NMU: variants seen among roughly 807,000 people sequenced by gnomAD.
NMU encodes the protein neuromedin-U.
A neutral mutation model predicts 35.4 loss-of-function variants in NMU; 29 were observed. The observed-to-expected ratio is 0.82, with a 90% CI of 0.61 to 1.12. The LOEUF is 1.12. Ranked by LOEUF, NMU falls within the 50% of genes most tolerant of loss-of-function variation. The pLI, the probability that NMU is intolerant of heterozygous loss-of-function variation, is 0.00. For synonymous variants in NMU, 78 were observed against 81.3 expected, an observed-to-expected ratio of 0.96 and a Z score of 0.22; for missense variants, 199 against 206.2, an observed-to-expected ratio of 0.97 and a Z score of 0.21.
chr4:55,598,964 TC>T (rs2110179666), intron 9 of NMU, among the ~76,000 whole-genome samples, 177 bp downstream of exon 9: 1 of 152,282 alleles, frequency 6.6e-6, no homozygotes, highest in African/African-American at 2.4e-5. Context: ...CCCTTACAGC[TC>T]CTATCATTGT....
Position 55,607,310 on chromosome 4 carries a change from C to T in NMU, c.348G>A (p.Lys116=). 1 of 1,607,688 alleles carries T rather than the reference C, an allele frequency of 6.2e-7. No individual in the cohort carries two copies. Among genetic ancestry groups the T allele is most frequent in the South Asian group, 1.1e-5 (1 of 90,860 alleles). ...TTCTACAACTTACCACAACATTTGA[C>T]TTGCCCAACTTCTGTGTCTTCGAAT... ...FHYSKTQKLG[K]SNVVSSVVHP... Residue 116 remains lysine, a synonymous_variant, in exon 6 of 10, where the codon AAG becomes AAA. Transcript: ENST00000264218.
chr4:55,607,041 T>G (rs1316836724), intron 6 of NMU, among the ~76,000 whole-genome samples: 1 of 152,174 alleles, frequency 6.6e-6, no homozygotes, highest in Non-Finnish European at 1.5e-5. Context: ...GGATTGTGCC[T>G]GGCACATAGC....
At chr4:55,632,948 A>G (rs1277471149) in intron 1 of NMU, among the ~76,000 whole-genome samples, 1 of 150,666 alleles carries the variant, frequency 6.6e-6, no homozygotes, top group South Asian at 2.1e-4. Flanking sequence ...TCTAAAAAAC[A>G]CGTAAACACA....
At chr4:55,631,486 C>T (rs972679013) in intron 1 of NMU, among the ~76,000 whole-genome samples, 1 of 151,914 alleles carries the variant, frequency 6.6e-6, no homozygotes, top group Non-Finnish European at 1.5e-5. Context: ...AAAAACAATC[C>T]CATCAAAAAG....
At chr4:55,603,811 CT>C (rs1733526166) in intron 7 of NMU, among the ~76,000 whole-genome samples, 3 of 148,436 alleles carry the variant, frequency 2.0e-5, no homozygotes, top group African/African-American at 7.5e-5. Flanking sequence ...CCTCGGGAGG[CT>C]GAGGCAGGCG....
chr4:55,618,717 T>TTC (rs751755173), intron 2 of NMU, among the ~76,000 whole-genome samples: 1 of 129,462 alleles, frequency 7.7e-6, no homozygotes, highest in Non-Finnish European at 1.7e-5. Context: ...TTTTTCTTTC[T>TTC]TCTCTCTTTC....
chr4:55,595,641 ATATT>A (rs1453470892), intron 9 of NMU, among the ~76,000 whole-genome samples: 34 of 63,194 alleles, frequency 5.4e-4, no homozygotes, highest in East Asian at 1.4e-3. Context: ...ATATATATAT[ATATT>A]TTTTTTTTTT....
chr4:55,601,371 T>C (rs780760997), intron 7 of NMU, among the ~76,000 whole-genome samples: 1 of 152,180 alleles, frequency 6.6e-6, no homozygotes, highest in Non-Finnish European at 1.5e-5. Flanking sequence ...TATTTTATAA[T>C]ATGAATACAA....
At chr4:55,627,261 T>G (rs1456999292) in intron 2 of NMU, among the ~76,000 whole-genome samples, 1 of 151,868 alleles carries the variant, frequency 6.6e-6, no homozygotes, top group South Asian at 2.1e-4. Context: ...TTTTTTTTTT[T>G]ATTACTGCAG....
At chr4:55,619,308 G>A (rs1322559492) in intron 2 of NMU, among the ~76,000 whole-genome samples, 1 of 144,328 alleles carries the variant, frequency 6.9e-6, no homozygotes, top group African/African-American at 2.5e-5. Flanking sequence ...GTGGGTGCGC[G>A]CACCTTGCGC....
chr4:55,631,219 A>G (rs1267866968), intron 1 of NMU, among the ~76,000 whole-genome samples: 1 of 152,176 alleles, frequency 6.6e-6, no homozygotes, highest in East Asian at 1.9e-4. Flanking sequence ...GACCATAACA[A>G]TTCTAGAAGG....
At chr4:55,596,362 G>GT (rs34453144) in intron 9 of NMU, among the ~76,000 whole-genome samples, 225 of 140,278 alleles carry the variant, frequency 1.6e-3, no homozygotes, top group Middle Eastern at 7.8e-3. Flanking sequence ...AATTTTGGAG[G>GT]TTTTTTTTTT....
intron 2 of NMU, among the ~76,000 whole-genome samples, chr4:55,630,031 C>T (rs2110212549): frequency 1.0e-5 from 1 of 97,276 alleles, no homozygotes; most frequent in South Asian, 4.5e-4. Flanking sequence ...CATTTTCCAT[C>T]CTTTTATACT....
In NMU at chr4:55,606,369, G is replaced by A. The variant is rs113322167; in HGVS notation, c.360+929C>T. ...CATGCATACAAAAAGAAAAACTACC[G>A]CTAATACTACATGATTTTAAAGTGA... is the stretch of plus-strand genomic sequence containing the variant. On this transcript the variant is annotated intron_variant, in intron 6 of 9. Coordinates refer to ENST00000264218, the MANE Select transcript of NMU (RefSeq NM_006681.4). Among the ~76,000 whole-genome samples, 24 of 152,222 alleles carry A rather than the reference G, an allele frequency of 1.6e-4. 1 individual carries two copies. The highest frequency in any genetic ancestry group is 5.1e-4 in the African/African-American group (21 of 41,544).
In NMU at chr4:55,607,104, T is replaced by C. The variant is rs569381410; in HGVS notation, c.360+194A>G. ...TTAAATGAATGAATGAACGAATCAA[T>C]TTAATGTACAGGTAGTAATTGACAT... On this transcript the variant is annotated intron_variant, in intron 6 of 9. Coordinates refer to ENST00000264218, the MANE Select transcript of NMU (RefSeq NM_006681.4). Among the ~76,000 whole-genome samples, 3 of 152,350 alleles carry C rather than the reference T, an allele frequency of 2.0e-5. No individual in the cohort carries two copies. The South Asian group carries it at 6.2e-4, about 32-fold the overall frequency.
At chr4:55,627,213 T>C (rs1350726405) in intron 2 of NMU, among the ~76,000 whole-genome samples, 2 of 152,182 alleles carry the variant, frequency 1.3e-5, no homozygotes, top group Admixed American at 1.3e-4. Flanking sequence ...CTCTGTTCCA[T>C]TGGTTCATTC....
intron 9 of NMU, among the ~76,000 whole-genome samples, chr4:55,595,645 T>TATATATA (rs1560509284): frequency 1.1e-5 from 1 of 88,502 alleles, no homozygotes; most frequent in African/African-American, 4.1e-5. Flanking sequence ...ATATATATAT[T>TATATATA]TTTTTTTTTT....
intron 2 of NMU, among the ~76,000 whole-genome samples, chr4:55,616,870 T>A (rs1330937171): frequency 1.3e-5 from 2 of 152,164 alleles, no homozygotes; most frequent in Non-Finnish European, 2.9e-5. Context: ...ATCTCTCCCA[T>A]GAAACCAGTA....
At chr4:55,607,095 A>G (rs991863138) in intron 6 of NMU, among the ~76,000 whole-genome samples, 1 of 152,218 alleles carries the variant, frequency 6.6e-6, no homozygotes, top group Non-Finnish European at 1.5e-5. Context: ...GAATGAATGA[A>G]CGAATCAATT....
Sources: gnomAD v4.1 joint callset for allele counts (sites outside exome capture counted in the v4.1 genomes callset) on GRCh38, gnomAD v4.1.1 for gene constraint, MANE v1.5 for transcripts, NCBI Gene and HGNC (gene_info 2026-07-23, HGNC 2026-07-21) for gene names.